Variants in SEMA4D observed in about 807,000 individuals in gnomAD.
The protein encoded by SEMA4D is semaphorin-4D.
In SEMA4D, 22 loss-of-function variants were observed where a neutral mutation model predicts 74.8. The observed-to-expected ratio is 0.29, with a 90% CI of 0.21 to 0.42. The LOEUF is 0.42. SEMA4D is among the 10% of genes least tolerant of loss of function. The pLI, the probability that SEMA4D is intolerant of heterozygous loss-of-function variation, is 1.00. For missense variants in SEMA4D, 937 were observed against 1,118.4 expected (o/e 0.84, Z 2.31); for synonymous variants, 445 against 463.7 (o/e 0.96, Z 0.52).
intron 16 of SEMA4D, chr9:89,367,315 G>A (rs1485885529): frequency 6.6e-6 from 1 of 152,274 alleles, no homozygotes; most frequent in South Asian, 2.1e-4. Flanking sequence ...GGCCCCCAGT[G>A]GGGAGCTGTC....
chr9:89,386,336 GC>G (rs1278565432), intron 13 of SEMA4D, 30 bp downstream of exon 13: 3 of 1,517,702 alleles, frequency 2.0e-6, no homozygotes, highest in Non-Finnish European at 2.7e-6. Context: ...GAGCGGAGAA[GC>G]CCCCGGTCCA....
chr9:89,433,589 T>C (rs1400401617), intron 2 of SEMA4D, among the ~76,000 whole-genome samples: 3 of 152,176 alleles, frequency 2.0e-5, no homozygotes, highest in Non-Finnish European at 4.4e-5. Flanking sequence ...ACTCTTGGCA[T>C]TTCGCTTAAC....
intron 11 of SEMA4D, 137 bp from the exon 12 acceptor site, chr9:89,387,745 T>C (rs1838861949): frequency 1.5e-6 from 1 of 685,476 alleles, no homozygotes; most frequent in Admixed American, 2.6e-5. Flanking sequence ...AGGGTAGCAG[T>C]GAATAACTTT....
intron 16 of SEMA4D, chr9:89,364,313 T>C (rs1258548959): frequency 2.8e-5 from 10 of 362,820 alleles, no homozygotes; most frequent in South Asian, 4.6e-5. Context: ...GCCACACACA[T>C]GTCCTGTGAC....
chr9:89,462,410 C>A (rs761103791), intron 1 of SEMA4D, among the ~76,000 whole-genome samples: 1 of 152,166 alleles, frequency 6.6e-6, no homozygotes, highest in Non-Finnish European at 1.5e-5. Flanking sequence ...AAGTGGCCAC[C>A]AATGCTCTTC....
chr9:89,450,610 A>G, intron 2 of SEMA4D: 1 of 791,548 alleles, frequency 1.3e-6, no homozygotes, highest in South Asian at 1.3e-5. Context: ...AAGGTCCAGG[A>G]TGCAGAGCTA....
intron 13 of SEMA4D, among the ~76,000 whole-genome samples, chr9:89,382,745 G>C (rs916588187): frequency 6.6e-6 from 1 of 152,254 alleles, no homozygotes; most frequent in Non-Finnish European, 1.5e-5. Flanking sequence ...TAACTTCCAA[G>C]GGACAGCTGG....
chr9:89,384,309 G>A (rs776029013), intron 13 of SEMA4D, among the ~76,000 whole-genome samples: 32 of 152,248 alleles, frequency 2.1e-4, no homozygotes, highest in Non-Finnish European at 4.1e-4. Flanking sequence ...TACGACAGAG[G>A]AGTATGTAGC....
intron 1 of SEMA4D, among the ~76,000 whole-genome samples, chr9:89,473,878 AAAAC>A (rs1374155519): frequency 6.6e-6 from 1 of 152,048 alleles, no homozygotes; most frequent in Admixed American, 6.6e-5. Flanking sequence ...AACAAACAAA[AAAAC>A]AAAAAGAAGA....
downstream of SEMA4D, among the ~76,000 whole-genome samples, chr9:89,374,934 T>C (rs1240574930): frequency 6.6e-6 from 1 of 152,276 alleles, no homozygotes; most frequent in East Asian, 1.9e-4. Context: ...GTGCCTGTAA[T>C]CCCAGCTACT....
At chr9:89,417,326 G>A (rs1845926658) in intron 2 of SEMA4D, among the ~76,000 whole-genome samples, 1 of 152,222 alleles carries the variant, frequency 6.6e-6, no homozygotes, top group South Asian at 2.1e-4. Flanking sequence ...CACAGAAAGT[G>A]CTGTCTCCCT....
rs1587641442 is a variant in SEMA4D, at chr9:89,405,567, C to T, written c.-111G>A. ...AGCGCCCCAGGACCAGGGCCAGCAGCACAGCCTGGAGCTCGTGAACAGCGC... is the reference window on the plus strand; with the variant it reads ...AGCGCCCCAGGACCAGGGCCAGCAGTACAGCCTGGAGCTCGTGAACAGCGC... On this transcript the variant is annotated 5_prime_UTR_variant, in exon 3 of 16. Transcript: ENST00000422704. 6.6e-6 allele frequency: 10 copies of T among 1,516,970 alleles called. No homozygotes were observed. In the East Asian group the frequency reaches 2.4e-4, roughly 37 times the overall value. 94.0% of individuals were successfully genotyped at this position (1,516,970 alleles called of 1,614,324 possible).
intron 2 of SEMA4D, among the ~76,000 whole-genome samples, chr9:89,419,779 T>C (rs1846506828): frequency 6.6e-6 from 1 of 151,830 alleles, no homozygotes; most frequent in Non-Finnish European, 1.5e-5. Context: ...TAGCTGGGTG[T>C]GGTGGTGCGC....
At chr9:89,362,360 T>G (rs375037786) in exon 19 of SEMA4D, 1 of 1,614,002 alleles carries the variant, frequency 6.2e-7, no homozygotes, top group African/African-American at 1.3e-5. Flanking sequence ...CAGCAGGGTC[T>G]TGTTGGGGTT....
At chr9:89,367,811 A>G (rs553281426) in intron 16 of SEMA4D, 2 of 152,246 alleles carry the variant, frequency 1.3e-5, no homozygotes, top group South Asian at 4.1e-4. Context: ...GGTTTATTAC[A>G]TCAACTCAGG....
At chr9:89,488,869 A>C (rs1243711699) in intron 1 of SEMA4D, among the ~76,000 whole-genome samples, 1 of 145,658 alleles carries the variant, frequency 6.9e-6, no homozygotes, top group African/African-American at 2.5e-5. Context: ...CCATAGACTG[A>C]GAGAAAATAT....
At chr9:89,414,473 G>C (rs1845264047) in intron 2 of SEMA4D, among the ~76,000 whole-genome samples, 1 of 152,152 alleles carries the variant, frequency 6.6e-6, no homozygotes. Context: ...GGAAACAGAA[G>C]ACACCACAGC....
chr9:89,432,423 C>A (rs2134685477), intron 2 of SEMA4D, among the ~76,000 whole-genome samples: 1 of 152,216 alleles, frequency 6.6e-6, no homozygotes, highest in South Asian at 2.1e-4. Flanking sequence ...CCTAAAACTG[C>A]CTGAGGCTAG....
chr9:89,457,501 C>T (rs148897245), intron 1 of SEMA4D, among the ~76,000 whole-genome samples: 6 of 152,270 alleles, frequency 3.9e-5, no homozygotes, highest in African/African-American at 1.4e-4. Flanking sequence ...CTTTGGGAGG[C>T]CGACATGGGA....
Sources: gnomAD v4.1 joint callset for allele counts (sites outside exome capture counted in the v4.1 genomes callset) on GRCh38, gnomAD v4.1.1 for gene constraint, MANE v1.5 for transcripts, NCBI Gene and HGNC (gene_info 2026-07-23, HGNC 2026-07-21) for gene names.